DENND1C: variants seen among roughly 807,000 people sequenced by gnomAD.
DENND1C encodes DENN domain containing 1C.
DENND1C carries 64 observed loss-of-function variants against 87.9 expected under a neutral mutation model. The ratio of observed to expected loss-of-function variants is 0.73; its 90% confidence interval spans 0.60 to 0.90. DENND1C has a LOEUF of 0.90. Ranked by LOEUF, DENND1C falls within the 40% of genes least tolerant of loss-of-function variation. The pLI is 0.00. For missense variants in DENND1C, 980 were observed against 1,037.0 expected (o/e 0.95, Z 0.76); for synonymous variants, 384 against 424.4 (o/e 0.90, Z 1.17).
At chr19:6,471,348 A>G in intron 16 of DENND1C, 43 bp from the exon 17 acceptor site, 1 of 1,592,440 alleles carries the variant, frequency 6.3e-7, no homozygotes, top group South Asian at 1.1e-5. Context: ...AGGCTGGCTG[A>G]GGCTGGGGGT....
rs775749909 is a variant in DENND1C at position 6,468,924 on chromosome 19, GC to G, written c.1436del (p.Gly479AlafsTer3). On this transcript the variant is annotated frameshift_variant, in exon 20 of 23. Coordinates refer to ENST00000381480, the MANE Select transcript of DENND1C (RefSeq NM_024898.4). LOFTEE classifies it high-confidence loss of function. ...TGGGGAGGGCTGGGGCCCTCAGAGA[GC>G]CCCCCCTCTGCAGGACAGAGTCCCC... ...KDGDSVLQRG[G>X]SLRAPALPSR... 6.1e-6 allele frequency: 9 copies of G among 1,470,544 alleles called. No homozygotes were observed. The highest frequency in any genetic ancestry group is 4.6e-5 in the South Asian group (3 of 65,466). 91.1% of individuals were successfully genotyped at this position (1,470,544 alleles called of 1,614,324 possible). A position where few individuals can be genotyped will look rare whatever the true frequency, so the allele number is the denominator to read the frequency against.
At chr19:6,477,484 G>T in intron 6 of DENND1C, 26 bp from the exon 7 acceptor site, 1 of 1,605,480 alleles carries the variant, frequency 6.2e-7, no homozygotes, top group Non-Finnish European at 8.5e-7. Flanking sequence ...AGGGGCGGGG[G>T]TGGCTGAGCC....
rs536589354 is a variant in DENND1C, at chr19:6,471,804, A to G, written c.1159-308T>C. Among the ~76,000 whole-genome samples, 6 of 152,166 alleles carry G rather than the reference A, an allele frequency of 3.9e-5. No homozygotes were observed. In the South Asian group the frequency reaches 1.2e-3, roughly 32 times the overall value. On this transcript the variant is annotated intron_variant, in intron 15 of 22. Coordinates refer to ENST00000381480, the MANE Select transcript of DENND1C (RefSeq NM_024898.4). ...ATTACAGGCATGCACCACCATGCCC[A>G]GCTAACTTTTATATTGTTTGTAGAG... is the stretch of plus-strand genomic sequence containing the variant.
chr19:6,472,237 T>TC (rs1439129403), intron 15 of DENND1C, among the ~76,000 whole-genome samples: 1 of 119,416 alleles, frequency 8.4e-6, no homozygotes, highest in Non-Finnish European at 1.6e-5. Context: ...TCAGGACCCA[T>TC]CCCCTCTGGA....
At chr19:6,481,539 T>TAGC in intron 1 of DENND1C, 140 bp downstream of exon 1, 1 of 1,220,728 alleles carries the variant, frequency 8.2e-7, no homozygotes, top group Non-Finnish European at 1.2e-6. Context: ...CGGAGGCCCA[T>TAGC]GGAGTATCTG....
intron 22 of DENND1C, 52 bp downstream of exon 22, chr19:6,468,182 A>G: frequency 1.9e-6 from 3 of 1,611,380 alleles, no homozygotes; most frequent in Non-Finnish European, 2.5e-6. Context: ...AGTTGGATGG[A>G]CCATTAGGGG....
intron 4 of DENND1C, 116 bp downstream of exon 4, chr19:6,479,553 T>G (rs1430178681): frequency 7.6e-7 from 1 of 1,314,746 alleles, no homozygotes; most frequent in Non-Finnish European, 1.1e-6. Flanking sequence ...AGTCTCTGAG[T>G]CTCAGGGTCC....
At chr19:6,479,191 G>A in intron 4 of DENND1C, 135 bp from the exon 5 acceptor site, 1 of 1,286,360 alleles carries the variant, frequency 7.8e-7, no homozygotes, top group Non-Finnish European at 1.1e-6. Context: ...CTGGATCCCT[G>A]GGTCTCAGAA....
At chr19:6,468,685 G>A (rs2092810585) in intron 20 of DENND1C, 40 bp from the exon 21 acceptor site, 1 of 1,438,350 alleles carries the variant, frequency 7.0e-7, no homozygotes, top group Non-Finnish European at 9.2e-7. Flanking sequence ...GGAGACTGCA[G>A]AATCGGGGGG....
At chr19:6,476,714 CAAGACCTTCG>C (rs1355722053) in intron 10 of DENND1C, 133 bp downstream of exon 10, 13 of 840,974 alleles carry the variant, frequency 1.5e-5, no homozygotes, top group Non-Finnish European at 2.3e-5. Context: ...TTCAACTCTC[CAAGACCTTCG>C]AAGGGGCGGG....
intron 11 of DENND1C, 35 bp from the exon 12 acceptor site, chr19:6,475,786 GC>G: frequency 1.3e-6 from 2 of 1,527,318 alleles, no homozygotes; most frequent in South Asian, 1.2e-5. Context: ...TGCAGGCACC[GC>G]CCCCAGGGCC....
In DENND1C at chr19:6,472,983, A is replaced by G; in HGVS notation, c.1064T>C (p.Val355Ala). Reference sequence around the variant, plus strand: ...CAAGAAGACTTCCTCACTGAAGGTCACTGGCTGGCCCTGGAAGAAGCGTTG... The same window carrying G: ...CAAGAAGACTTCCTCACTGAAGGTCGCTGGCTGGCCCTGGAAGAAGCGTTG... ...DALVCSPGQP[V>A]TFSEEVFLAQ... The change falls in exon 15 of 23, where the codon GTG (valine) becomes GCG (alanine). Residue 355 changes from valine to alanine, a missense_variant. Transcript: ENST00000381480. The G allele has an allele frequency of 6.4e-7, 1 of 1,561,650 alleles. No individual in the cohort carries two copies. Among genetic ancestry groups the G allele is most frequent in the Non-Finnish European group, 8.7e-7 (1 of 1,155,302 alleles).
In DENND1C at chr19:6,479,071, G is replaced by A. The variant is rs1293546406; in HGVS notation, c.177-15C>T. On this transcript the variant is annotated splice_polypyrimidine_tract_variant and intron_variant, in intron 4 of 22. Coordinates refer to ENST00000381480, the MANE Select transcript of DENND1C (RefSeq NM_024898.4). ...TGGGGGGCTCCCTGGAGTGGGAAGG[G>A]CTGTTAGAGAGACCTGGACATCCCA... 6.2e-7 allele frequency: 1 copy of A among 1,613,614 alleles called. No homozygotes were observed. The highest frequency in any genetic ancestry group is 8.5e-7 in the Non-Finnish European group (1 of 1,179,694).
In DENND1C at chr19:6,481,751, T is replaced by C; in HGVS notation, c.-56A>G. 1 of 1,496,442 alleles carries C rather than the reference T, an allele frequency of 6.7e-7. No individual in the cohort carries two copies. Among genetic ancestry groups the C allele is most frequent in the South Asian group, 1.3e-5 (1 of 74,776 alleles). 92.7% of individuals were successfully genotyped at this position (1,496,442 alleles called of 1,614,324 possible). On this transcript the variant is annotated 5_prime_UTR_variant, in exon 1 of 23. Coordinates refer to ENST00000381480, the MANE Select transcript of DENND1C (RefSeq NM_024898.4). Reference sequence around the variant, plus strand: ...TCTCCCCAGGGGTCCTGGGGGCCTGTGTATGCTGGGCCCCAAGCCGGCTCA... The same window carrying C: ...TCTCCCCAGGGGTCCTGGGGGCCTGCGTATGCTGGGCCCCAAGCCGGCTCA...
chr19:6,469,484 A>G, intron 19 of DENND1C, 112 bp downstream of exon 19: 1 of 1,035,882 alleles, frequency 9.7e-7, no homozygotes. Flanking sequence ...AGGCCCCACT[A>G]TATTGCCCAA....
intron 10 of DENND1C, chr19:6,476,140 G>A (rs2092858627): frequency 1.7e-6 from 1 of 575,548 alleles, no homozygotes; most frequent in Non-Finnish European, 3.0e-6. Context: ...GTGAAGCCAG[G>A]ACTCATACCG....
intron 20 of DENND1C, 88 bp downstream of exon 20, chr19:6,468,758 G>A: frequency 7.2e-7 from 1 of 1,385,092 alleles, no homozygotes; most frequent in Non-Finnish European, 9.6e-7. Context: ...AGTTGAAGAA[G>A]GAGGTGAGAT....
At position 6,475,763 on chromosome 19, in the gene DENND1C, G is replaced by C. The variant is rs549661923; in HGVS notation, c.780-12C>G. 27 of 1,552,278 alleles carry C rather than the reference G, an allele frequency of 1.7e-5. No homozygotes were observed. The highest frequency in any genetic ancestry group is 2.1e-5 in the Non-Finnish European group (24 of 1,147,156). ...AGGGCATGGGCGCGCTGCGGACCGA[G>C]GGGACGGGGTCATGCAGGCACCGCC... is the stretch of plus-strand genomic sequence containing the variant. On this transcript the variant is annotated splice_polypyrimidine_tract_variant and intron_variant, in intron 11 of 22. Coordinates refer to ENST00000381480, the MANE Select transcript of DENND1C (RefSeq NM_024898.4).
intron 1 of DENND1C, chr19:6,480,424 C>A: frequency 9.0e-7 from 1 of 1,107,202 alleles, no homozygotes; most frequent in Non-Finnish European, 1.1e-6. Context: ...GAAGGACAGC[C>A]CGTGCAGTCC....
Sources: gnomAD v4.1 joint callset for allele counts (sites outside exome capture counted in the v4.1 genomes callset) on GRCh38, gnomAD v4.1.1 for gene constraint, MANE v1.5 for transcripts, NCBI Gene and HGNC (gene_info 2026-07-23, HGNC 2026-07-21) for gene names.